The following PRKN variants were observed in gnomAD, a reference collection of about 807,000 sequenced individuals.
The protein encoded by PRKN is parkin RBR E3 ubiquitin protein ligase.
PRKN carries 56 observed loss-of-function variants against 59.5 expected under a neutral mutation model. The ratio of observed to expected loss-of-function variants is 0.94; its 90% CI spans 0.76 to 1.18. The LOEUF is 1.18. Among genes scored for constraint, PRKN ranks in the 50% most tolerant of loss-of-function variants. The pLI is 0.00. For missense variants in PRKN, 657 were observed against 596.4 expected (o/e 1.10, Z -1.06); for synonymous variants, 250 against 222.1 (o/e 1.13, Z -1.12).
At chr6:161,586,033 AAG>A (rs1365326195) in intron 7 of PRKN, among the ~76,000 whole-genome samples, 1 of 152,160 alleles carries the variant, frequency 6.6e-6, no homozygotes, top group African/African-American at 2.4e-5. Context: ...TTTTAAAAAA[AAG>A]AACAGTTAGG....
rs1018907670 is a variant in PRKN at position 161,448,005 on chromosome 6, G to C, written c.1084-61128C>G. Among the ~76,000 whole-genome samples the C allele has an allele frequency of 9.9e-5, 15 of 152,264 alleles. No homozygotes were observed. Among genetic ancestry groups the C allele is most frequent in the Non-Finnish European group, 2.1e-4 (14 of 68,020 alleles). On this transcript the variant is annotated intron_variant, in intron 9 of 11. Coordinates refer to ENST00000366898, the MANE Select transcript of PRKN (RefSeq NM_004562.3). The surrounding 1 kb of genome is among the most constrained non-coding windows in gnomAD (Gnocchi z 5.1). ...AGACTTATAGCCTTCATTCAAACCA[G>C]ACTGAATGATGTGGGAGGTAGGGAC...
chr6:161,710,883 C>A (rs1786718337), intron 7 of PRKN, among the ~76,000 whole-genome samples: 1 of 118,644 alleles, frequency 8.4e-6, no homozygotes, highest in Admixed American at 1.0e-4. Context: ...TTCCTTCCTT[C>A]TCTCCCTCCC....
chr6:162,597,207 C>T (rs547906156), intron 1 of PRKN, among the ~76,000 whole-genome samples: 70 of 152,106 alleles, frequency 4.6e-4, no homozygotes, highest in African/African-American at 1.1e-3. Context: ...ATGAAATGTA[C>T]GAAAGTTAGG....
chr6:162,372,667 T>C lies in PRKN; in HGVS notation c.171+70643A>G, dbSNP rs575506292. 3.9e-5 allele frequency among the ~76,000 whole-genome samples: 6 copies of C among 152,166 alleles called. No homozygotes were observed. In the South Asian group the frequency reaches 1.2e-3, roughly 32 times the overall value. On this transcript the variant is annotated intron_variant, in intron 2 of 11. Transcript: ENST00000366898. ...CCCCAAAGCTCAGCATCACGCAATA[T>C]ACCCATCCAGCAAACCTACACAGGT...
intron 7 of PRKN, among the ~76,000 whole-genome samples, chr6:161,706,062 C>A (rs796645646): frequency 6.6e-6 from 1 of 151,890 alleles, no homozygotes; most frequent in Non-Finnish European, 1.5e-5. Flanking sequence ...TGTGGCCCTT[C>A]GCTGTTCCAC....
intron 1 of PRKN, among the ~76,000 whole-genome samples, chr6:162,556,938 C>G (rs1779631340): frequency 6.6e-6 from 1 of 152,040 alleles, no homozygotes. Flanking sequence ...AAACTGAGCA[C>G]CTGCCCCATT....
intron 2 of PRKN, among the ~76,000 whole-genome samples, chr6:162,268,939 G>A (rs565231980): frequency 1.3e-5 from 2 of 152,308 alleles, no homozygotes; most frequent in East Asian, 1.9e-4. Flanking sequence ...GATCTGGGAC[G>A]GGGCTGTATA....
chr6:162,046,177 A>G (rs907705967), intron 5 of PRKN, among the ~76,000 whole-genome samples: 7 of 152,180 alleles, frequency 4.6e-5, no homozygotes, highest in African/African-American at 1.4e-4. Flanking sequence ...TAAACCTGCA[A>G]TGCAACCATC....
At chr6:162,386,770 G>GGTAGGTT (rs1239651301) in intron 2 of PRKN, among the ~76,000 whole-genome samples, 1 of 152,214 alleles carries the variant, frequency 6.6e-6, no homozygotes, top group East Asian at 1.9e-4. Context: ...AAGAAAAATT[G>GGTAGGTT]GTAGGTTGTA....
At chr6:161,453,590 C>A (rs1789836958) in intron 9 of PRKN, among the ~76,000 whole-genome samples, 1 of 152,206 alleles carries the variant, frequency 6.6e-6, no homozygotes, top group African/African-American at 2.4e-5. Flanking sequence ...ATTACAACAT[C>A]AGCTCCTGCT....
At chr6:161,511,669 C>T (rs749764050) in intron 9 of PRKN, among the ~76,000 whole-genome samples, 2 of 152,138 alleles carry the variant, frequency 1.3e-5, no homozygotes, top group African/African-American at 2.4e-5. Context: ...GAGCAAATAA[C>T]AGCACTGACC....
chr6:162,320,301 T>G (rs1309109262), intron 2 of PRKN, among the ~76,000 whole-genome samples: 1 of 149,110 alleles, frequency 6.7e-6, no homozygotes, highest in African/African-American at 2.5e-5. Flanking sequence ...ATGTAATGAT[T>G]TTTCCTTTGG....
chr6:161,766,527 C>A (rs1789430998), intron 7 of PRKN, among the ~76,000 whole-genome samples: 1 of 152,046 alleles, frequency 6.6e-6, no homozygotes, highest in Non-Finnish European at 1.5e-5. Context: ...CCAGGATGGT[C>A]TCGATTTCTT....
chr6:162,326,755 G>T (rs1783300477), intron 2 of PRKN, among the ~76,000 whole-genome samples: 1 of 152,060 alleles, frequency 6.6e-6, no homozygotes, highest in South Asian at 2.1e-4. Flanking sequence ...ACTGAACTTA[G>T]GAAGAAAATA....
intron 7 of PRKN, among the ~76,000 whole-genome samples, chr6:161,772,515 T>G (rs1392150978): frequency 6.6e-6 from 1 of 152,156 alleles, no homozygotes; most frequent in African/African-American, 2.4e-5. Flanking sequence ...AAACACCAAA[T>G]CTGAAGCAGT....
chr6:161,830,411 C>G (rs1004178976), intron 6 of PRKN, among the ~76,000 whole-genome samples: 7 of 152,058 alleles, frequency 4.6e-5, no homozygotes, highest in Admixed American at 2.6e-4. Context: ...GCCACCATGC[C>G]GAGCTAATTT....
At chr6:162,117,340 C>CTAGGCGTA (rs1780716475) in intron 4 of PRKN, among the ~76,000 whole-genome samples, 1 of 152,242 alleles carries the variant, frequency 6.6e-6, no homozygotes, top group Non-Finnish European at 1.5e-5. Flanking sequence ...TTGCAGTCTA[C>CTAGGCGTA]TAGGCGTAGG....
chr6:162,675,111 A>G (rs1779487937), intron 1 of PRKN, among the ~76,000 whole-genome samples: 1 of 144,394 alleles, frequency 6.9e-6, no homozygotes, highest in South Asian at 2.2e-4. Flanking sequence ...CAGTGGCGCG[A>G]TCTTGGCTCA....
intron 3 of PRKN, among the ~76,000 whole-genome samples, chr6:162,247,003 C>T (rs1490197351): frequency 1.3e-5 from 2 of 151,910 alleles, no homozygotes; most frequent in East Asian, 1.9e-4. Flanking sequence ...ATATTTTTGG[C>T]CCTTTAGTTA....
Sources: allele counts gnomAD v4.1 joint callset (sites outside exome capture counted in the v4.1 genomes callset), GRCh38; gene constraint gnomAD v4.1.1; non-coding constraint Gnocchi (gnomAD v3.1); transcripts MANE v1.5; gene names NCBI Gene and HGNC (gene_info 2026-07-23, HGNC 2026-07-21).